SLF1: variants seen among roughly 807,000 people sequenced by gnomAD.
SLF1 encodes SMC5-SMC6 complex localization factor protein 1.
Under a neutral mutation model 123.0 loss-of-function variants are expected in SLF1, and 105 were observed. That is an observed-to-expected ratio of 0.85 (90% CI 0.73 to 1.00). SLF1 has a LOEUF of 1.00. SLF1 is among the 50% of genes least tolerant of loss of function. The probability of loss-of-function intolerance (pLI) is 0.00; values close to 1 mark genes in which losing one functional copy is unlikely to be tolerated. For missense variants in SLF1, 1,239 were observed against 1,223.0 expected (o/e 1.01, Z -0.20); for synonymous variants, 434 against 406.6 (o/e 1.07, Z -0.81).
intron 18 of SLF1, among the ~76,000 whole-genome samples, chr5:94,690,464 G>A (rs532700689): frequency 1.1e-4 from 17 of 152,046 alleles, no homozygotes; most frequent in Non-Finnish European, 8.8e-5. Flanking sequence ...ACAAATCAGC[G>A]TTCTTTTTCT....
At chr5:94,625,652 G>A (rs1323072836) in intron 1 of SLF1, among the ~76,000 whole-genome samples, 1 of 151,930 alleles carries the variant, frequency 6.6e-6, no homozygotes, top group Non-Finnish European at 1.5e-5. Context: ...CAAAGTGCTG[G>A]GATTACAGGC....
At chr5:94,666,309 T>C (rs1749747648) in intron 12 of SLF1, among the ~76,000 whole-genome samples, 1 of 152,246 alleles carries the variant, frequency 6.6e-6, no homozygotes, top group Non-Finnish European at 1.5e-5. Flanking sequence ...GTGTATTGTT[T>C]TTTAAATGAA....
chr5:94,620,309 T>C (rs1791632975), intron 1 of SLF1: 1 of 152,252 alleles, frequency 6.6e-6, no homozygotes, highest in Non-Finnish European at 1.5e-5. Flanking sequence ...CCAGATTTTA[T>C]TATGCGTTAT....
intron 9 of SLF1, among the ~76,000 whole-genome samples, chr5:94,658,405 A>G (rs1356076412): frequency 6.7e-6 from 1 of 149,980 alleles, no homozygotes; most frequent in Non-Finnish European, 1.5e-5. Flanking sequence ...TCTGGGTATA[A>G]TATTCTTGCC....
Position 94,671,004 on chromosome 5 carries a change from A to G in SLF1, c.1823A>G (p.Asn608Ser). The G allele has an allele frequency of 6.5e-7, 1 of 1,527,530 alleles. No homozygotes were observed. 94.6% of individuals were successfully genotyped at this position (1,527,530 alleles called of 1,614,324 possible). A position where few individuals can be genotyped will look rare whatever the true frequency, so the allele number is the denominator to read the frequency against. Residue 608 changes from asparagine to serine, a missense_variant, in exon 14 of 21, where the codon AAT becomes AGT. Transcript: ENST00000265140. ...IYSHKEKFKS[N>S]DVFKHELAYL... Reference sequence around the variant, plus strand: ...TCTCACAAGGAAAAATTCAAGTCTAATGATGTAAGTAGGATTAATTTATAG... The same window carrying G: ...TCTCACAAGGAAAAATTCAAGTCTAGTGATGTAAGTAGGATTAATTTATAG...
chr5:94,691,004 C>G (rs1753001802), intron 18 of SLF1, among the ~76,000 whole-genome samples: 1 of 151,306 alleles, frequency 6.6e-6, no homozygotes. Context: ...CTGTTGTAGC[C>G]AAGCCAGACA....
At chr5:94,686,276 T>C (rs1171377546) in intron 15 of SLF1, among the ~76,000 whole-genome samples, 1 of 152,218 alleles carries the variant, frequency 6.6e-6, no homozygotes, top group Non-Finnish European at 1.5e-5. Flanking sequence ...TAAAATCCCC[T>C]CTATATATTC....
intron 12 of SLF1, among the ~76,000 whole-genome samples, chr5:94,666,953 C>CTTTTTTTT (rs34215806): frequency 4.4e-4 from 46 of 104,578 alleles, no homozygotes; most frequent in East Asian, 6.8e-4. Context: ...CTGGGAAGAT[C>CTTTTTTTT]TTTTTTTTTT....
chr5:94,688,028 T>G (rs1485018219), intron 16 of SLF1, among the ~76,000 whole-genome samples: 7 of 126,406 alleles, frequency 5.5e-5, no homozygotes, highest in African/African-American at 2.2e-4. Context: ...ATATCTATCT[T>G]TAGATATTAA....
chr5:94,656,961 GTC>G (rs1209496012), intron 9 of SLF1, among the ~76,000 whole-genome samples: 5 of 149,384 alleles, frequency 3.3e-5, no homozygotes, highest in African/African-American at 9.7e-5. Context: ...GTGTTTTTAA[GTC>G]TATTTTGTTT....
At chr5:94,649,881 C>G (rs1747482339) in intron 6 of SLF1, among the ~76,000 whole-genome samples, 8 of 152,082 alleles carry the variant, frequency 5.3e-5, no homozygotes, top group Admixed American at 5.2e-4. Flanking sequence ...AGGTAACTTA[C>G]TTATGTTTAG....
intron 12 of SLF1, among the ~76,000 whole-genome samples, chr5:94,669,892 A>G (rs542341136): frequency 5.1e-4 from 78 of 152,108 alleles, no homozygotes; most frequent in Admixed American, 2.5e-3. Flanking sequence ...AAGGGAGAGT[A>G]CCTGCTAGTC....
At chr5:94,636,920 A>G (rs140390022) in intron 4 of SLF1, among the ~76,000 whole-genome samples, 21 of 151,956 alleles carry the variant, frequency 1.4e-4, no homozygotes, top group Non-Finnish European at 2.8e-4. Context: ...GAGTTTTGCC[A>G]TGTTGGCCAG....
At chr5:94,680,170 G>T (rs1751600635) in intron 15 of SLF1, among the ~76,000 whole-genome samples, 1 of 152,158 alleles carries the variant, frequency 6.6e-6, no homozygotes, top group African/African-American at 2.4e-5. Flanking sequence ...ACTTTGAAGA[G>T]AGACTTCAGA....
At chr5:94,620,784 A>G (rs1280001889) in intron 1 of SLF1, among the ~76,000 whole-genome samples, 1 of 152,164 alleles carries the variant, frequency 6.6e-6, no homozygotes, top group Admixed American at 6.5e-5. Context: ...TTCACCTTAT[A>G]AGGGCATGTT....
chr5:94,666,061 T>A (rs1161217604), intron 12 of SLF1, 37 bp downstream of exon 12: 3 of 1,484,640 alleles, frequency 2.0e-6, no homozygotes, highest in Admixed American at 2.3e-5. Flanking sequence ...TACATTTCAT[T>A]GAGTAGTTGT....
At chr5:94,684,936 G>C (rs1315084947) in intron 15 of SLF1, among the ~76,000 whole-genome samples, 1 of 152,212 alleles carries the variant, frequency 6.6e-6, no homozygotes, top group Non-Finnish European at 1.5e-5. Context: ...TTTTGGGCTG[G>C]ATAATTATTT....
chr5:94,691,320 G>T (rs306571), intron 18 of SLF1: 1 of 436,530 alleles, frequency 2.3e-6, no homozygotes. Flanking sequence ...TAAACCTTTT[G>T]CAGTAGAATT....
intron 3 of SLF1, 27 bp from the exon 4 acceptor site, chr5:94,630,476 G>A (rs1745083819): frequency 6.5e-7 from 1 of 1,530,988 alleles, no homozygotes. Flanking sequence ...AAATTCCTTT[G>A]TGACTGACAG....
Sources: allele counts gnomAD v4.1 joint callset (sites outside exome capture counted in the v4.1 genomes callset), GRCh38; gene constraint gnomAD v4.1.1; transcripts MANE v1.5; gene names NCBI Gene and HGNC (gene_info 2026-07-23, HGNC 2026-07-21).